The following UGT1A10 variants were observed in gnomAD, a reference collection of about 807,000 sequenced individuals.
UGT1A10 encodes the protein UDP glucuronosyltransferase family 1 member A10, also known as UDP-glucuronosyltransferase 1A10.
In UGT1A10, 49 loss-of-function variants were observed where a neutral mutation model predicts 45.8. The ratio of observed to expected loss-of-function variants is 1.07; its 90% CI spans 0.85 to 1.36. The LOEUF (loss-of-function observed/expected upper bound fraction) is 1.36. Ranked by LOEUF, UGT1A10 falls within the 40% of genes most tolerant of loss-of-function variation. UGT1A10 has a pLI of 0.00. For missense variants in UGT1A10, 745 were observed against 668.6 expected, an observed-to-expected ratio of 1.11 and a Z score of -1.26; for synonymous variants, 284 against 249.7, an observed-to-expected ratio of 1.14 and a Z score of -1.29.
chr2:233,677,323 G>T (rs552269750), intron 1 of UGT1A10, among the ~76,000 whole-genome samples: 5 of 152,100 alleles, frequency 3.3e-5, no homozygotes, highest in African/African-American at 1.2e-4. Context: ...AGTGTTCATT[G>T]CTAGTATAGT....
chr2:233,672,582 A>G (rs770437442), intron 1 of UGT1A10: 2 of 1,613,952 alleles, frequency 1.2e-6, no homozygotes, highest in Non-Finnish European at 1.7e-6. Flanking sequence ...ACTTGGAGGA[A>G]CATTTATTAT....
At chr2:233,659,888 C>T (rs2073932055) in intron 1 of UGT1A10, among the ~76,000 whole-genome samples, 2 of 152,228 alleles carry the variant, frequency 1.3e-5, no homozygotes, top group South Asian at 4.1e-4. Flanking sequence ...ACTGCTTCTT[C>T]TGTATCTTCT....
At position 233,772,972 on chromosome 2, in the gene UGT1A10, C is replaced by A; in HGVS notation, c.*413C>A. The A allele has an allele frequency of 3.3e-6, 1 of 304,366 alleles. No homozygotes were observed. The highest frequency in any genetic ancestry group is 6.3e-6 in the Non-Finnish European group (1 of 158,956). 18.9% of individuals were successfully genotyped at this position (304,366 alleles called of 1,614,324 possible). On this transcript the variant is annotated 3_prime_UTR_variant, in exon 5 of 5. Transcript: ENST00000344644. ...CAGATGGTTGCAATTGATCCTTAAC[C>A]AATAATGGTCAGTCCTCATCTCTGT...
In UGT1A10 at chr2:233,668,555, C is replaced by T. The variant is rs1031667753; in HGVS notation, c.855+31178C>T. The stretch of plus-strand genomic sequence containing the variant: ...CTTTATAGTACCATGATTTATAATC[C>T]TTTGGATACATACCCAGTAATGGGA... On this transcript the variant is annotated intron_variant, in intron 1 of 4. Transcript: ENST00000344644. Among the ~76,000 whole-genome samples, 11 of 152,250 alleles carry T rather than the reference C, an allele frequency of 7.2e-5. No individual in the cohort carries two copies. In the South Asian group the frequency reaches 2.3e-3, roughly 32 times the overall value.
chr2:233,662,828 T>G (rs1261078199), intron 1 of UGT1A10, among the ~76,000 whole-genome samples: 1 of 152,052 alleles, frequency 6.6e-6, no homozygotes, highest in Non-Finnish European at 1.5e-5. Flanking sequence ...TTTTTTTTTT[T>G]TTTTGTCAGA....
In UGT1A10 at chr2:233,685,809, C is replaced by T. The variant is rs756161110; in HGVS notation, c.855+48432C>T. Among the ~76,000 whole-genome samples, 31 of 152,214 alleles carry T rather than the reference C, an allele frequency of 2.0e-4. No homozygotes were observed. In the East Asian group the frequency reaches 3.3e-3, roughly 16 times the overall value. On this transcript the variant is annotated intron_variant, in intron 1 of 4. Transcript: ENST00000344644. Reference sequence around the variant, plus strand: ...AAAATCTTGGCATGTTGTCTCATCACGAAATACTTCACTAAATATAAAAAA... The same window carrying T: ...AAAATCTTGGCATGTTGTCTCATCATGAAATACTTCACTAAATATAAAAAA...
chr2:233,759,167 C>T (rs1180599090), intron 1 of UGT1A10, among the ~76,000 whole-genome samples: 1 of 152,178 alleles, frequency 6.6e-6, no homozygotes, highest in African/African-American at 2.4e-5. Flanking sequence ...ACAAGGCAGG[C>T]AGGTTTCACG....
chr2:233,648,910 C>A, intron 1 of UGT1A10: 1 of 1,348,368 alleles, frequency 7.4e-7, no homozygotes, highest in Non-Finnish European at 1.0e-6. Context: ...TCTCTACAGC[C>A]ACACATCAAT....
At chr2:233,659,371 A>G (rs2073921187) in intron 1 of UGT1A10, among the ~76,000 whole-genome samples, 1 of 152,242 alleles carries the variant, frequency 6.6e-6, no homozygotes, top group African/African-American at 2.4e-5. Flanking sequence ...ATGAACACAT[A>G]TTTGATATGC....
chr2:233,745,309 A>G (rs1470353088), intron 1 of UGT1A10, among the ~76,000 whole-genome samples: 1 of 151,872 alleles, frequency 6.6e-6, no homozygotes, highest in African/African-American at 2.4e-5. Context: ...TGCAGTGATT[A>G]TTTCCACTAG....
chr2:233,757,542 ATATATATATATATATATATG>A (rs1365992052), intron 1 of UGT1A10, among the ~76,000 whole-genome samples: 3 of 116,804 alleles, frequency 2.6e-5, no homozygotes, highest in East Asian at 2.1e-4. Context: ...AGGAATATAT[ATATATATATATATATATATG>A]TATATATGAT....
Position 233,754,852 on chromosome 2 carries a change from G to C in UGT1A10, c.856-12182G>C, listed in dbSNP as rs193246215. The C allele has an allele frequency of 1.8e-5, 24 of 1,345,428 alleles. No homozygotes were observed. In the Middle Eastern group the frequency reaches 8.4e-4, roughly 47 times the overall value. The allele number at this position is 1,345,428 out of a possible 1,614,324, so 83.3% of individuals were successfully genotyped here. ...GGAAATTCACTGAAGGCAGAGAAAA[G>C]GGGTGCAGACCCTCTGCTTCTGCTT... On this transcript the variant is annotated intron_variant, in intron 1 of 4. Coordinates refer to ENST00000344644, the MANE Select transcript of UGT1A10 (RefSeq NM_019075.4).
chr2:233,688,693 C>T (rs898066571), intron 1 of UGT1A10, among the ~76,000 whole-genome samples: 3 of 152,096 alleles, frequency 2.0e-5, no homozygotes, highest in Non-Finnish European at 2.9e-5. Flanking sequence ...TAATATTAAA[C>T]GTCCTTCATT....
At chr2:233,670,227 T>C (rs904055426) in intron 1 of UGT1A10, among the ~76,000 whole-genome samples, 2 of 152,208 alleles carry the variant, frequency 1.3e-5, no homozygotes, top group Admixed American at 1.3e-4. Flanking sequence ...CTCTTGATTG[T>C]CCTCCATTGA....
At chr2:233,746,562 C>A (rs1365442579) in intron 1 of UGT1A10, among the ~76,000 whole-genome samples, 1 of 151,750 alleles carries the variant, frequency 6.6e-6, no homozygotes. Context: ...GCCCCTAGAG[C>A]ACCACACCCT....
At chr2:233,655,671 G>C (rs1362137890) in intron 1 of UGT1A10, among the ~76,000 whole-genome samples, 2 of 152,182 alleles carry the variant, frequency 1.3e-5, no homozygotes, top group Non-Finnish European at 2.9e-5. Flanking sequence ...GGTGATCACT[G>C]TCCTGGTCTC....
At chr2:233,768,541 A>C (rs1699639375) in intron 4 of UGT1A10, 102 bp downstream of exon 4, 3 of 1,492,216 alleles carry the variant, frequency 2.0e-6, no homozygotes, top group Non-Finnish European at 2.7e-6. Flanking sequence ...GTTGTTTCAA[A>C]TATAAAAACA....
chr2:233,769,459 A>G lies in UGT1A10; in HGVS notation c.1295+1020A>G. On this transcript the variant is annotated intron_variant, in intron 4 of 4. Coordinates refer to ENST00000344644, the MANE Select transcript of UGT1A10 (RefSeq NM_019075.4). This position sits in a 1 kb window ranked among gnomAD's most constrained non-coding sequence, Gnocchi z 4.4. The stretch of plus-strand genomic sequence containing the variant: ...TGTGTGGGTGCACACGTGTGCATTC[A>G]TATGCGTGTGTGTGTGTGTGCGTGT... 1 of 1,591,312 alleles carries G rather than the reference A, an allele frequency of 6.3e-7. No individual in the cohort carries two copies. Among genetic ancestry groups the G allele is most frequent in the Non-Finnish European group, 8.6e-7 (1 of 1,161,842 alleles).
intron 1 of UGT1A10, among the ~76,000 whole-genome samples, chr2:233,758,599 C>A (rs1696920593): frequency 6.6e-6 from 1 of 152,110 alleles, no homozygotes; most frequent in Admixed American, 6.5e-5. Flanking sequence ...TGGGGAGGAG[C>A]TTCAGTGTGC....
Sources: allele counts gnomAD v4.1 joint callset (sites outside exome capture counted in the v4.1 genomes callset), GRCh38; gene constraint gnomAD v4.1.1; non-coding constraint Gnocchi (gnomAD v3.1); transcripts MANE v1.5; gene names NCBI Gene and HGNC (gene_info 2026-07-23, HGNC 2026-07-21).